BRAF: variants seen among roughly 807,000 people sequenced by gnomAD.
BRAF encodes serine/threonine-protein kinase B-raf.
A neutral mutation model predicts 104.6 loss-of-function variants in BRAF; 16 were observed. That is an observed-to-expected ratio of 0.15 (90% CI 0.10 to 0.23). The LOEUF (loss-of-function observed/expected upper bound fraction) is 0.23. Ranked by LOEUF, BRAF falls within the 10% of genes least tolerant of loss-of-function variation. The pLI, the probability that BRAF is intolerant of heterozygous loss-of-function variation, is 1.00. For missense variants in BRAF, 541 were observed against 937.3 expected (o/e 0.58, Z 5.52); for synonymous variants, 310 against 341.6 (o/e 0.91, Z 1.02).
intron 1 of BRAF, among the ~76,000 whole-genome samples, chr7:140,860,249 T>A (rs1362053985): frequency 6.6e-6 from 1 of 152,034 alleles, no homozygotes; most frequent in African/African-American, 2.4e-5. Flanking sequence ...CCAGGGTAAG[T>A]GGCCATCCTT....
chr7:140,880,264 G>A (rs967951841), intron 1 of BRAF, among the ~76,000 whole-genome samples: 4 of 152,134 alleles, frequency 2.6e-5, no homozygotes, highest in Non-Finnish European at 4.4e-5. Context: ...TCTTCAGCAG[G>A]AGTAAACCCC....
At chr7:140,740,205 A>G in intron 17 of BRAF, 1 of 421,364 alleles carries the variant, frequency 2.4e-6, no homozygotes, top group Non-Finnish European at 4.4e-6. Context: ...GTCTCTCTTT[A>G]TCCAGTCCAT....
chr7:140,724,091 C>T lies in BRAF; in HGVS notation c.*2403G>A, dbSNP rs936615195. ...TCATTTGAGATCAAGTCTGCTCCCCCGTTCAAATGAGATACCAGCCTATTC... is the reference window on the plus strand; with the variant it reads ...TCATTTGAGATCAAGTCTGCTCCCCTGTTCAAATGAGATACCAGCCTATTC... On this transcript the variant is annotated 3_prime_UTR_variant, in exon 20 of 20. Transcript: ENST00000644969. 9.5e-6 allele frequency: 10 copies of T among 1,048,536 alleles called. No individual in the cohort carries two copies. The East Asian group carries it at 2.2e-4, about 23-fold the overall frequency. 65.0% of individuals were successfully genotyped at this position (1,048,536 alleles called of 1,614,324 possible). A position where few individuals can be genotyped will look rare whatever the true frequency, so the allele number is the denominator to read the frequency against.
intron 14 of BRAF, among the ~76,000 whole-genome samples, chr7:140,767,059 A>G (rs1799399181): frequency 6.6e-6 from 1 of 152,158 alleles, no homozygotes; most frequent in Non-Finnish European, 1.5e-5. Context: ...GCTGGAATGC[A>G]GTGGCGCGAT....
chr7:140,886,724 A>C (rs1277740075), intron 1 of BRAF, among the ~76,000 whole-genome samples: 2 of 151,216 alleles, frequency 1.3e-5, no homozygotes, highest in East Asian at 3.9e-4. Context: ...ATCACCCCCC[A>C]TTTTTTCTTT....
chr7:140,760,620 G>GT (rs975297081), intron 14 of BRAF, among the ~76,000 whole-genome samples: 1 of 151,672 alleles, frequency 6.6e-6, no homozygotes, highest in African/African-American at 2.4e-5. Flanking sequence ...GACCCCAAAA[G>GT]TTTTTTTTAA....
intron 3 of BRAF, among the ~76,000 whole-genome samples, chr7:140,826,413 T>A (rs760704803): frequency 2.0e-5 from 3 of 152,226 alleles, no homozygotes; most frequent in Non-Finnish European, 4.4e-5. Flanking sequence ...ACAATTAACA[T>A]CGAAATTTTC....
chr7:140,889,282 T>A (rs1813941929), intron 1 of BRAF, among the ~76,000 whole-genome samples: 1 of 152,216 alleles, frequency 6.6e-6, no homozygotes, highest in Non-Finnish European at 1.5e-5. Context: ...CACACTATTA[T>A]AATAACGAAC....
intron 7 of BRAF, among the ~76,000 whole-genome samples, chr7:140,797,435 T>C (rs997970890): frequency 6.6e-5 from 10 of 152,042 alleles, no homozygotes; most frequent in African/African-American, 2.4e-4. Flanking sequence ...CCATTATTAT[T>C]GTTATCAGGA....
chr7:140,771,870 C>A (rs1199171263), intron 14 of BRAF, among the ~76,000 whole-genome samples: 1 of 151,870 alleles, frequency 6.6e-6, no homozygotes, highest in Non-Finnish European at 1.5e-5. Flanking sequence ...CAGGGTAGAG[C>A]CAGGGGACAG....
At chr7:140,811,562 G>A (rs1295827561) in intron 3 of BRAF, among the ~76,000 whole-genome samples, 1 of 152,202 alleles carries the variant, frequency 6.6e-6, no homozygotes, top group Admixed American at 6.5e-5. Flanking sequence ...ATAGCCTTGG[G>A]ATTTGATCTT....
In BRAF at chr7:140,809,873, G is replaced by GA. The variant is rs1226522494; in HGVS notation, c.505-879dup. Among the ~76,000 whole-genome samples, 41 of 148,602 alleles carry GA rather than the reference G, an allele frequency of 2.8e-4. No individual in the cohort carries two copies. The East Asian group carries it at 7.0e-3, about 25-fold the overall frequency. On this transcript the variant is annotated intron_variant, in intron 3 of 19. Coordinates refer to ENST00000644969, the MANE Select transcript of BRAF (RefSeq NM_001374258.1). ...ACAGAGAAGGAGGGAAAGGGAAAGG[G>GA]AAAAAAAAAGTAATCTCTCTGTATA...
chr7:140,792,949 G>A (rs1166132059), intron 8 of BRAF, among the ~76,000 whole-genome samples: 1 of 152,228 alleles, frequency 6.6e-6, no homozygotes, highest in African/African-American at 2.4e-5. Flanking sequence ...GACAGTTGCA[G>A]AAGGAATGGA....
chr7:140,761,874 C>T (rs952019495), intron 14 of BRAF, among the ~76,000 whole-genome samples: 6 of 152,140 alleles, frequency 3.9e-5, no homozygotes, highest in African/African-American at 1.2e-4. Flanking sequence ...TACAGGAGCA[C>T]CCAGATTCAT....
rs570947952 is a variant in BRAF, at chr7:140,779,242, A to AT, written c.1553-1168dup. Among the ~76,000 whole-genome samples, 15 of 151,974 alleles carry AT rather than the reference A, an allele frequency of 9.9e-5. No individual in the cohort carries two copies. In the East Asian group the frequency reaches 2.7e-3, roughly 28 times the overall value. ...GTGCTAGTAATGTTCTGTTTATTTA[A>AT]TTTTTTTAGAGACAGAGTCTTGCTC... On this transcript the variant is annotated intron_variant, in intron 12 of 19. Coordinates refer to ENST00000644969, the MANE Select transcript of BRAF (RefSeq NM_001374258.1).
chr7:140,787,092 G>C (rs1357717945), intron 9 of BRAF, among the ~76,000 whole-genome samples: 2 of 151,866 alleles, frequency 1.3e-5, no homozygotes, highest in South Asian at 2.1e-4. Context: ...ACGAGGTCAG[G>C]AGATCGAGAC....
Position 140,924,680 on chromosome 7 carries a change from A to G in BRAF, c.24T>C (p.Gly8=). The change falls in exon 1 of 20, where the codon GGT becomes GGC. Residue 8 remains glycine (G), a synonymous_variant. Coordinates refer to ENST00000644969, the MANE Select transcript of BRAF (RefSeq NM_001374258.1). This position sits in a 1 kb window ranked among gnomAD's most constrained non-coding sequence, Gnocchi z 4.2. MAALSGG[G]GGGAEPGQAL... The stretch of plus-strand genomic sequence containing the variant: ...CCTGGCCCGGCTCCGCGCCGCCACC[A>G]CCGCCACCGCTCAGCGCCGCCATCT... 1 of 1,157,350 alleles carries G rather than the reference A, an allele frequency of 8.6e-7. No homozygotes were observed. The highest frequency in any genetic ancestry group is 2.8e-5 in the East Asian group (1 of 35,940). The allele number at this position is 1,157,350 out of a possible 1,614,324, so 71.7% of individuals were successfully genotyped here. A position where few individuals can be genotyped will look rare whatever the true frequency, so the allele number is the denominator to read the frequency against.
chr7:140,910,621 C>CAAGTACCCCAGTACTTGTACAAGTACA (rs1816858947), intron 1 of BRAF, among the ~76,000 whole-genome samples: 3 of 152,156 alleles, frequency 2.0e-5, no homozygotes. Flanking sequence ...GTTCTCAGAC[C>CAAGTACCCCAGTACTTGTACAAGTACA]AGTCCTTGAG....
intron 1 of BRAF, among the ~76,000 whole-genome samples, chr7:140,916,056 C>T (rs749131147): frequency 6.6e-6 from 1 of 152,126 alleles, no homozygotes. Flanking sequence ...AAAACTGGAA[C>T]GATACTCCTT....
Sources: allele counts gnomAD v4.1 joint callset (sites outside exome capture counted in the v4.1 genomes callset), GRCh38; gene constraint gnomAD v4.1.1; non-coding constraint Gnocchi (gnomAD v3.1); transcripts MANE v1.5; gene names NCBI Gene and HGNC (gene_info 2026-07-23, HGNC 2026-07-21).